The following ATXN2 variants were observed in gnomAD, a reference collection of about 807,000 sequenced individuals.
The protein encoded by ATXN2 is ataxin-2.
ATXN2 carries 37 observed loss-of-function variants against 138.6 expected under a neutral mutation model. That is an observed-to-expected ratio of 0.27 (90% CI 0.21 to 0.35). The LOEUF (loss-of-function observed/expected upper bound fraction) is 0.35. Ranked by LOEUF, ATXN2 falls within the 10% of genes least tolerant of loss-of-function variation. The probability of loss-of-function intolerance (pLI) is 1.00; values close to 1 mark genes in which losing one functional copy is unlikely to be tolerated. For missense variants in ATXN2, 1,216 were observed against 1,480.3 expected, an observed-to-expected ratio of 0.82 and a Z score of 2.93; for synonymous variants, 549 against 543.7, an observed-to-expected ratio of 1.01 and a Z score of -0.13.
intron 14 of ATXN2, among the ~76,000 whole-genome samples, chr12:111,491,259 A>C (rs974847791): frequency 2.0e-5 from 3 of 152,276 alleles, no homozygotes; most frequent in South Asian, 2.1e-4. Context: ...GCCAAAAAAA[A>C]CCAAAAGAAT....
rs1444598726 is a variant in ATXN2, at chr12:111,453,294, A to C, written c.3439+383T>G. 9.4e-7 allele frequency: 1 copy of C among 1,060,678 alleles called. No homozygotes were observed. The highest frequency in any genetic ancestry group is 1.1e-6 in the Non-Finnish European group (1 of 879,542). The allele number at this position is 1,060,678 out of a possible 1,614,324, so 65.7% of individuals were successfully genotyped here. ...GCTTTCTCAGCAGTATCTTCTCCAG[A>C]GCTACAATCAAACTCTGCCATGGTA... On this transcript the variant is annotated intron_variant, in intron 24 of 24. Coordinates refer to ENST00000673436, the MANE Select transcript of ATXN2 (RefSeq NM_001372574.1). The surrounding 1 kb of genome is among the most constrained non-coding windows in gnomAD (Gnocchi z 5.4).
chr12:111,544,231 G>A (rs1051036682), intron 5 of ATXN2, among the ~76,000 whole-genome samples: 6 of 152,072 alleles, frequency 3.9e-5, no homozygotes, highest in African/African-American at 1.2e-4. Flanking sequence ...GTATTTCTCC[G>A]TACTGTCCAT....
intron 5 of ATXN2, among the ~76,000 whole-genome samples, chr12:111,537,086 A>G (rs1024378760): frequency 6.6e-6 from 1 of 151,890 alleles, no homozygotes; most frequent in Non-Finnish European, 1.5e-5. Context: ...CACCCGGCCC[A>G]CACAAAAACT....
chr12:111,463,797 T>C (rs1245197843), intron 21 of ATXN2, among the ~76,000 whole-genome samples: 2 of 152,130 alleles, frequency 1.3e-5, no homozygotes, highest in Non-Finnish European at 2.9e-5. Context: ...CTGAATATTT[T>C]ATTTTTTGAG....
intron 1 of ATXN2, among the ~76,000 whole-genome samples, chr12:111,596,826 C>T (rs1326270964): frequency 6.6e-6 from 1 of 152,084 alleles, no homozygotes; most frequent in Non-Finnish European, 1.5e-5. Flanking sequence ...TAAAACATTC[C>T]AAATATCTTT....
At position 111,598,919 on chromosome 12, in the gene ATXN2, G is replaced by A. The variant is rs774723520; in HGVS notation, c.116C>T (p.Pro39Leu). ...PPPAAANVRK[P>L]GGSGLLASPA... ...CGACGCTAGAAGGCCGCTGCCGCCG[G>A]GCTTGCGGACATTGGCAGCCGCGGG... The change falls in exon 1 of 25, where the codon CCC becomes CTC. Residue 39 changes from proline to leucine, a missense_variant. Transcript: ENST00000673436. This position sits in a 1 kb window ranked among gnomAD's most constrained non-coding sequence, Gnocchi z 4.5. 6.6e-7 allele frequency: 1 copy of A among 1,512,146 alleles called. No homozygotes were observed. Among genetic ancestry groups the A allele is most frequent in the South Asian group, 1.2e-5 (1 of 81,622 alleles). The allele number at this position is 1,512,146 out of a possible 1,614,324, so 93.7% of individuals were successfully genotyped here. A position where few individuals can be genotyped will look rare whatever the true frequency, so the allele number is the denominator to read the frequency against.
rs748838859 is a variant in ATXN2, at chr12:111,583,766, CAAAAAAAAAAAAAA to C, written c.251+15004_251+15017del. ...TGGGCAACACAGCAAGACTCCGACT[CAAAAAAAAAAAAAA>C]AAAAAAAAAACAGTGAACCATGATT... On this transcript the variant is annotated intron_variant, in intron 1 of 24. Transcript: ENST00000673436. Among the ~76,000 whole-genome samples the C allele has an allele frequency of 7.2e-4, 42 of 58,122 alleles. 1 individual carries two copies. In the East Asian group the frequency reaches 0.027, roughly 37 times the overall value. The allele number at this position is 58,122 out of a possible 152,430, so 38.1% of individuals were successfully genotyped here.
At position 111,488,792 on chromosome 12, in the gene ATXN2, A is replaced by C. The variant is rs1314339473; in HGVS notation, c.1936-12T>G. The C allele has an allele frequency of 3.8e-6, 6 of 1,572,744 alleles. No homozygotes were observed. Among genetic ancestry groups the C allele is most frequent in the Non-Finnish European group, 5.2e-6 (6 of 1,151,700 alleles). ...GAACTTGGCTGTAACTAAATAAAGG[A>C]AACAATTATACTTAAATATCTTAAA... On this transcript the variant is annotated splice_polypyrimidine_tract_variant and intron_variant, in intron 14 of 24. Coordinates refer to ENST00000673436, the MANE Select transcript of ATXN2 (RefSeq NM_001372574.1).
intron 5 of ATXN2, among the ~76,000 whole-genome samples, chr12:111,536,174 T>A (rs967739712): frequency 4.6e-5 from 7 of 152,178 alleles, no homozygotes; most frequent in Non-Finnish European, 1.0e-4. Flanking sequence ...AGAATTTCTT[T>A]ATGTCAATGC....
Position 111,598,122 on chromosome 12 carries a change from C to A in ATXN2, c.251+662G>T, listed in dbSNP as rs1282175027. Reference sequence around the variant, plus strand: ...CCACGATTTCAGGGGAGTTCGGGAGCCCCCGCCGCCGCCTCGGACACGAAC... The same window carrying A: ...CCACGATTTCAGGGGAGTTCGGGAGACCCCGCCGCCGCCTCGGACACGAAC... On this transcript the variant is annotated intron_variant, in intron 1 of 24. Coordinates refer to ENST00000673436, the MANE Select transcript of ATXN2 (RefSeq NM_001372574.1). This position sits in a 1 kb window ranked among gnomAD's most constrained non-coding sequence, Gnocchi z 4.5. 1.8e-6 allele frequency: 2 copies of A among 1,105,750 alleles called. No homozygotes were observed. The highest frequency in any genetic ancestry group is 3.3e-5 in the African/African-American group (2 of 61,000). 68.5% of individuals were successfully genotyped at this position (1,105,750 alleles called of 1,614,324 possible).
chr12:111,531,699 G>A (rs1404646836), intron 5 of ATXN2, among the ~76,000 whole-genome samples: 1 of 152,190 alleles, frequency 6.6e-6, no homozygotes. Flanking sequence ...TGTATGGACT[G>A]GAACAACAAA....
intron 1 of ATXN2, among the ~76,000 whole-genome samples, chr12:111,577,805 G>A (rs897252139): frequency 6.6e-6 from 1 of 152,086 alleles, no homozygotes; most frequent in Non-Finnish European, 1.5e-5. Flanking sequence ...AAAACGGCTA[G>A]GCATGATGGC....
intron 21 of ATXN2, among the ~76,000 whole-genome samples, chr12:111,463,821 C>T (rs947937259): frequency 6.6e-6 from 1 of 152,172 alleles, no homozygotes; most frequent in African/African-American, 2.4e-5. Flanking sequence ...GAATTTCGCT[C>T]TGCCACCCAG....
At position 111,467,204 on chromosome 12, in the gene ATXN2, G is replaced by T. The variant is rs1219556402; in HGVS notation, c.2843-2489C>A. The stretch of plus-strand genomic sequence containing the variant: ...GTCACCCAGGCTGGATTACAGTGGT[G>T]CCATGATAGCTCACTGTAGCCTCAA... On this transcript the variant is annotated intron_variant, in intron 20 of 24. Coordinates refer to ENST00000673436, the MANE Select transcript of ATXN2 (RefSeq NM_001372574.1). Among the ~76,000 whole-genome samples, 9 of 151,442 alleles carry T rather than the reference G, an allele frequency of 5.9e-5. No homozygotes were observed. In the East Asian group the frequency reaches 1.4e-3, roughly 23 times the overall value.
At chr12:111,477,965 CTT>C (rs760866567) in intron 18 of ATXN2, among the ~76,000 whole-genome samples, 6 of 144,338 alleles carry the variant, frequency 4.2e-5, no homozygotes, top group Non-Finnish European at 1.5e-5. Context: ...TTTCTTTTTT[CTT>C]TTTTTTTTTT....
intron 18 of ATXN2, among the ~76,000 whole-genome samples, chr12:111,475,366 C>A (rs1203376024): frequency 1.4e-5 from 2 of 139,838 alleles, no homozygotes; most frequent in African/African-American, 2.9e-5. Context: ...AAAAAAGTTA[C>A]CACAATATGA....
Position 111,552,470 on chromosome 12 carries a change from A to G in ATXN2, c.421-40T>C. 6.4e-7 allele frequency: 1 copy of G among 1,562,036 alleles called. No homozygotes were observed. The highest frequency in any genetic ancestry group is 8.6e-7 in the Non-Finnish European group (1 of 1,161,184). On this transcript the variant is annotated intron_variant, in intron 4 of 24. Coordinates refer to ENST00000673436, the MANE Select transcript of ATXN2 (RefSeq NM_001372574.1). The surrounding 1 kb of genome is among the most constrained non-coding windows in gnomAD (Gnocchi z 4.1). ...ACAAGTAAGTACTCCAAACCTTTACAAAATAAAATTTGTTAGGAATTCTTT... is the reference window on the plus strand; with the variant it reads ...ACAAGTAAGTACTCCAAACCTTTACGAAATAAAATTTGTTAGGAATTCTTT...
intron 1 of ATXN2, chr12:111,581,540 C>T (rs938755610): frequency 1.0e-6 from 1 of 992,528 alleles, no homozygotes; most frequent in Admixed American, 1.7e-5. Context: ...GAACTCCGTG[C>T]CCGACCATGT....
chr12:111,522,993 T>A (rs10849954), intron 6 of ATXN2, among the ~76,000 whole-genome samples: 15,585 of 150,192 alleles, frequency 0.1, 2,621 homozygotes, highest in African/African-American at 0.35. Context: ...AAAAAAAAAA[T>A]TTCATGGCCA....
Sources: gnomAD v4.1 joint callset for allele counts (sites outside exome capture counted in the v4.1 genomes callset) on GRCh38, gnomAD v4.1.1 for gene constraint, Gnocchi (gnomAD v3.1) non-coding constraint, MANE v1.5 for transcripts, NCBI Gene and HGNC (gene_info 2026-07-23, HGNC 2026-07-21) for gene names.